Variants in NIN observed in about 807,000 individuals in gnomAD.
NIN encodes the protein ninein, also known as glycogen synthase kinase 3 beta-interacting protein.
Under a neutral mutation model 257.6 loss-of-function variants are expected in NIN, and 137 were observed. That is an observed-to-expected ratio of 0.53 (90% CI 0.46 to 0.61). The LOEUF is 0.61. NIN is among the 20% of genes least tolerant of loss of function. The pLI is 0.00. For missense variants in NIN, 2,439 were observed against 2,501.2 expected (o/e 0.98, Z 0.53); for synonymous variants, 918 against 919.8 (o/e 1.00, Z 0.04).
At chr14:50,774,678 G>T (rs1282636361) in intron 7 of NIN, among the ~76,000 whole-genome samples, 1 of 151,966 alleles carries the variant, frequency 6.6e-6, no homozygotes, top group African/African-American at 2.4e-5. Context: ...AGTTAACAAG[G>T]TTAAAAGTTT....
chr14:50,812,107 G>A (rs1328942681), intron 3 of NIN, among the ~76,000 whole-genome samples: 1 of 152,184 alleles, frequency 6.6e-6, no homozygotes, highest in Admixed American at 6.5e-5. Flanking sequence ...GTGACAGAGC[G>A]AGACTCTGTC....
intron 28 of NIN, among the ~76,000 whole-genome samples, chr14:50,735,000 A>G (rs1184917194): frequency 6.6e-6 from 1 of 152,116 alleles, no homozygotes; most frequent in Non-Finnish European, 1.5e-5. Context: ...ATACATTTTC[A>G]TAGTGATCAG....
intron 3 of NIN, among the ~76,000 whole-genome samples, chr14:50,811,977 T>C (rs1279254380): frequency 2.7e-5 from 4 of 146,526 alleles, no homozygotes; most frequent in South Asian, 2.1e-4. Context: ...AAAATGTAGC[T>C]GGGCGTGGTG....
chr14:50,773,891 T>C (rs1449565233), intron 7 of NIN, among the ~76,000 whole-genome samples: 1 of 152,030 alleles, frequency 6.6e-6, no homozygotes, highest in Admixed American at 6.5e-5. Context: ...CACAGAGGAA[T>C]GGGAAGGTGA....
intron 5 of NIN, among the ~76,000 whole-genome samples, chr14:50,785,039 C>T (rs1464532662): frequency 2.0e-5 from 3 of 152,222 alleles, no homozygotes. Flanking sequence ...CAAAAGGAGT[C>T]CCCCCAAACC....
rs2045688999 is a variant in NIN, at chr14:50,831,157, A to G, written c.-227T>C. On this transcript the variant is annotated 5_prime_UTR_variant, in exon 1 of 31. Coordinates refer to ENST00000530997, the MANE Select transcript of NIN (RefSeq NM_020921.4). ...CCGGAGCTCTGGACGCCGGGGAGGA[A>G]GGGCCGGGCCCGCGCGGGGAGGAGG... is the stretch of plus-strand genomic sequence containing the variant. 6.6e-6 allele frequency: 1 copy of G among 150,524 alleles called. No homozygotes were observed. The highest frequency in any genetic ancestry group is 2.1e-4 in the South Asian group (1 of 4,812). 9.3% of individuals were successfully genotyped at this position (150,524 alleles called of 1,614,324 possible). A position where few individuals can be genotyped will look rare whatever the true frequency, so the allele number is the denominator to read the frequency against.
chr14:50,811,400 C>T (rs7159766), intron 3 of NIN, among the ~76,000 whole-genome samples: 12,097 of 151,886 alleles, frequency 0.08, 607 homozygotes, highest in Admixed American at 0.13. Flanking sequence ...TGAGCCATCG[C>T]GCCCGGCCTT....
chr14:50,750,856 T>A (rs4901053), intron 21 of NIN, among the ~76,000 whole-genome samples: 5 of 151,956 alleles, frequency 3.3e-5, no homozygotes, highest in Non-Finnish European at 7.4e-5. Context: ...AGTGTCATTG[T>A]TCTTCCTCGT....
intron 28 of NIN, among the ~76,000 whole-genome samples, 160 bp downstream of exon 28, chr14:50,735,356 G>T (rs992366253): frequency 6.6e-6 from 1 of 152,202 alleles, no homozygotes; most frequent in African/African-American, 2.4e-5. Context: ...AAGCAAAGTT[G>T]TCTGTTAAAC....
chr14:50,731,284 C>T (rs2040681854), intron 28 of NIN, among the ~76,000 whole-genome samples: 1 of 152,110 alleles, frequency 6.6e-6, no homozygotes, highest in African/African-American at 2.4e-5. Flanking sequence ...AATCCCAACA[C>T]TTTGGGAGGC....
At chr14:50,724,971 G>GT (rs1237821589) in intron 30 of NIN, among the ~76,000 whole-genome samples, 2 of 152,162 alleles carry the variant, frequency 1.3e-5, no homozygotes, top group Non-Finnish European at 1.5e-5. Context: ...TTGGCACCTT[G>GT]TAAGTGCATT....
intron 12 of NIN, 38 bp downstream of exon 12, chr14:50,770,350 G>A (rs762916072): frequency 8.1e-6 from 13 of 1,595,672 alleles, no homozygotes; most frequent in African/African-American, 5.4e-5. Flanking sequence ...TGGTGTTCCC[G>A]GCAGGGACGC....
intron 16 of NIN, 88 bp downstream of exon 16, chr14:50,761,702 T>A (rs776826188): frequency 6.7e-7 from 1 of 1,481,722 alleles, no homozygotes; most frequent in Non-Finnish European, 9.3e-7. Context: ...TGCTGCTCTA[T>A]GAGAAAAAAG....
intron 16 of NIN, among the ~76,000 whole-genome samples, chr14:50,760,590 A>T (rs1595798376): frequency 6.6e-6 from 1 of 152,042 alleles, no homozygotes; most frequent in Admixed American, 6.6e-5. Flanking sequence ...TGTCTGAACA[A>T]CCTTATTAAG....
At chr14:50,740,046 T>G (rs1566789316) in intron 25 of NIN, among the ~76,000 whole-genome samples, 1 of 152,212 alleles carries the variant, frequency 6.6e-6, no homozygotes, top group South Asian at 2.1e-4. Context: ...CCAAAGTGAT[T>G]TTTTGGATCT....
chr14:50,779,925 G>T (rs1045096239), intron 5 of NIN, among the ~76,000 whole-genome samples: 6 of 152,142 alleles, frequency 3.9e-5, no homozygotes, highest in Non-Finnish European at 8.8e-5. Flanking sequence ...TACATTAAAG[G>T]CAGTTCAATT....
At chr14:50,788,313 C>T (rs929004554) in intron 5 of NIN, among the ~76,000 whole-genome samples, 2 of 152,160 alleles carry the variant, frequency 1.3e-5, no homozygotes, top group Non-Finnish European at 2.9e-5. Context: ...AGCTCCAAGT[C>T]GCTTGTAAGT....
Position 50,719,883 on chromosome 14 carries a change from A to G in NIN, c.*3580T>C, listed in dbSNP as rs1286898570. On this transcript the variant is annotated 3_prime_UTR_variant, in exon 31 of 31. Coordinates refer to ENST00000530997, the MANE Select transcript of NIN (RefSeq NM_020921.4). Reference sequence around the variant, plus strand: ...AAAATCTTTCTAGGATAGAATGGCTAAGATGAAATATACAAAGCTGATATA... The same window carrying G: ...AAAATCTTTCTAGGATAGAATGGCTGAGATGAAATATACAAAGCTGATATA... The G allele has an allele frequency of 1.9e-5, 4 of 206,368 alleles. No homozygotes were observed. Among genetic ancestry groups the G allele is most frequent in the Non-Finnish European group, 2.0e-5 (2 of 100,830 alleles). The allele number at this position is 206,368 out of a possible 1,614,324, so 12.8% of individuals were successfully genotyped here. A position where few individuals can be genotyped will look rare whatever the true frequency, so the allele number is the denominator to read the frequency against.
chr14:50,779,112 C>T (rs555352946), intron 5 of NIN, among the ~76,000 whole-genome samples: 2 of 152,286 alleles, frequency 1.3e-5, no homozygotes, highest in South Asian at 4.1e-4. Flanking sequence ...AAGCAAATAT[C>T]CAGTATCCAT....
Sources: gnomAD v4.1 joint callset for allele counts (sites outside exome capture counted in the v4.1 genomes callset) on GRCh38, gnomAD v4.1.1 for gene constraint, MANE v1.5 for transcripts, NCBI Gene and HGNC (gene_info 2026-07-23, HGNC 2026-07-21) for gene names.